COL13A1: variants seen among roughly 807,000 people sequenced by gnomAD.
The protein encoded by COL13A1 is collagen alpha-1(XIII) chain.
A neutral mutation model predicts 130.9 loss-of-function variants in COL13A1; 89 were observed. The ratio of observed to expected loss-of-function variants is 0.68; its 90% CI spans 0.57 to 0.81. COL13A1 has a LOEUF of 0.81. COL13A1 is among the 30% of genes least tolerant of loss of function. The pLI, the probability that COL13A1 is intolerant of heterozygous loss-of-function variation, is 0.00. For synonymous variants in COL13A1, 402 were observed against 341.6 expected (o/e 1.18, Z -1.95); for missense variants, 879 against 934.6 (o/e 0.94, Z 0.78).
intron 2 of COL13A1, among the ~76,000 whole-genome samples, chr10:69,861,969 T>G (rs891106420): frequency 3.9e-5 from 6 of 152,252 alleles, no homozygotes; most frequent in African/African-American, 1.4e-4. Flanking sequence ...GCTTAAGAAG[T>G]GGCTCTTGGG....
chr10:69,898,372 C>T (rs78377642), intron 13 of COL13A1, among the ~76,000 whole-genome samples: 2,023 of 152,310 alleles, frequency 0.013, 17 homozygotes, highest in Middle Eastern at 0.027. Flanking sequence ...CATGTGGGAG[C>T]CACTGTCCCA....
At chr10:69,865,260 G>A (rs2133923845) in intron 2 of COL13A1, among the ~76,000 whole-genome samples, 1 of 152,268 alleles carries the variant, frequency 6.6e-6, no homozygotes, top group Admixed American at 6.5e-5. Flanking sequence ...GCCTGGCCAG[G>A]GTAATGGGCA....
At chr10:69,830,875 C>T (rs1025748160) in intron 2 of COL13A1, among the ~76,000 whole-genome samples, 2 of 152,170 alleles carry the variant, frequency 1.3e-5, no homozygotes, top group South Asian at 2.1e-4. Flanking sequence ...AACCCCATTC[C>T]TTTTGGCAGC....
At chr10:69,819,398 G>A (rs577941285) in intron 1 of COL13A1, among the ~76,000 whole-genome samples, 1 of 152,088 alleles carries the variant, frequency 6.6e-6, no homozygotes, top group Admixed American at 6.5e-5. Context: ...TGACTTATTG[G>A]CATCAACATA....
chr10:69,806,961 C>T (rs1282715036), intron 1 of COL13A1, among the ~76,000 whole-genome samples: 2 of 152,096 alleles, frequency 1.3e-5, no homozygotes, highest in South Asian at 2.1e-4. Flanking sequence ...GAGCTGAGAT[C>T]GAGCCATTGC....
intron 1 of COL13A1, among the ~76,000 whole-genome samples, chr10:69,812,029 A>G (rs1843173901): frequency 6.6e-6 from 1 of 151,970 alleles, no homozygotes; most frequent in South Asian, 2.1e-4. Context: ...GCTCTCACCC[A>G]TGCTGTCCTG....
chr10:69,815,059 G>A (rs753580336), intron 1 of COL13A1, among the ~76,000 whole-genome samples: 1 of 152,136 alleles, frequency 6.6e-6, no homozygotes, highest in Admixed American at 6.5e-5. Context: ...TCTCCACATT[G>A]GCACTCAGGA....
At position 69,925,829 on chromosome 10, in the gene COL13A1, G is replaced by A; in HGVS notation, c.1355G>A (p.Gly452Glu). The change falls in exon 26 of 41, where the codon GGA (glycine) becomes GAA (glutamate). Residue 452 changes from glycine (G) to glutamate (E), a missense_variant. Transcript: ENST00000645393. ...GGCTCCAAGGGAGAACCAGGGAAAG[G>A]AGAGATGGTGGATTACAATGGAAAC... The part of the protein sequence containing the change: ...PKGSKGEPGK[G>E]EMVDYNGNIN... 2 of 1,601,184 alleles carry A rather than the reference G, an allele frequency of 1.2e-6. No individual in the cohort carries two copies. Among genetic ancestry groups the A allele is most frequent in the Non-Finnish European group, 1.7e-6 (2 of 1,173,950 alleles).
chr10:69,849,668 C>T (rs1452559009), intron 2 of COL13A1, among the ~76,000 whole-genome samples: 6 of 152,290 alleles, frequency 3.9e-5, no homozygotes, highest in South Asian at 2.1e-4. Context: ...ACAAGGATGG[C>T]GGCTCCCACT....
intron 14 of COL13A1, 66 bp from the exon 15 acceptor site, chr10:69,902,682 T>C (rs2062323341): frequency 7.3e-7 from 1 of 1,371,658 alleles, no homozygotes; most frequent in Non-Finnish European, 9.9e-7. Context: ...GTGCATGGCC[T>C]GAGGGTGGGG....
chr10:69,818,236 GCCCAGTTCCTTCTTCCT>G (rs1189509975), intron 1 of COL13A1, among the ~76,000 whole-genome samples: 2 of 152,184 alleles, frequency 1.3e-5, no homozygotes, highest in African/African-American at 4.8e-5. Context: ...TCCATCCAGT[GCCCAGTTCCTTCTTCCT>G]CCCACATCTC....
intron 17 of COL13A1, among the ~76,000 whole-genome samples, chr10:69,912,816 T>G (rs1203498972): frequency 2.6e-5 from 4 of 152,172 alleles, no homozygotes; most frequent in African/African-American, 9.7e-5. Flanking sequence ...CCCAGCTTGT[T>G]CAACAAACAG....
chr10:69,817,433 G>A (rs1390523228), intron 1 of COL13A1, among the ~76,000 whole-genome samples: 1 of 151,722 alleles, frequency 6.6e-6, no homozygotes, highest in Non-Finnish European at 1.5e-5. Flanking sequence ...GGGAGGGGAC[G>A]TTGGTGGTTT....
intron 2 of COL13A1, among the ~76,000 whole-genome samples, chr10:69,858,555 C>G (rs1227739): frequency 0.38 from 58,062 of 152,108 alleles, 11,417 homozygotes; most frequent in Middle Eastern, 0.55. Flanking sequence ...GAAACTACGA[C>G]ACTGTGTGCA....
chr10:69,947,308 G>T lies in COL13A1; in HGVS notation c.2024G>T (p.Gly675Val). ...CTTTCTTCCTCTGATCTCTTGCAGG[G>T]TTTACATGGACCACCCGGGGACAAG... ...TGPTGAAGLP[G>V]LHGPPGDKGN... Residue 675 changes from glycine to valine, a missense_variant and splice_region_variant, in exon 38 of 41, where the codon GGT (glycine) becomes GTT (valine). Physicochemically the swap from Gly to Val is moderately radical, Grantham distance 109. Transcript: ENST00000645393. 1 of 1,613,386 alleles carries T rather than the reference G, an allele frequency of 6.2e-7. No individual in the cohort carries two copies. Among genetic ancestry groups the T allele is most frequent in the African/African-American group, 1.3e-5 (1 of 74,978 alleles).
At chr10:69,919,521 G>A (rs3855625) in intron 20 of COL13A1, 144 bp from the exon 21 acceptor site, 229,122 of 398,166 alleles carry the variant, frequency 0.58, 67,182 homozygotes, top group East Asian at 0.75. Flanking sequence ...TTTTCAAAAC[G>A]TTTTTGACCA....
At chr10:69,945,854 CG>C in intron 37 of COL13A1, 130 bp downstream of exon 37, 1 of 1,141,042 alleles carries the variant, frequency 8.8e-7, no homozygotes, top group Non-Finnish European at 1.3e-6. Context: ...GGGCGCATCA[CG>C]AGGTCAGGAG....
chr10:69,897,555 CG>C, intron 13 of COL13A1: 1 of 1,613,112 alleles, frequency 6.2e-7, no homozygotes, highest in Non-Finnish European at 8.5e-7. Flanking sequence ...GGAAGGTCTC[CG>C]GGCCCCTCTC....
chr10:69,837,248 C>A (rs1051303243), intron 2 of COL13A1, among the ~76,000 whole-genome samples: 20 of 152,228 alleles, frequency 1.3e-4, no homozygotes, highest in African/African-American at 4.8e-4. Context: ...GGGGACCTTA[C>A]CAATGATCCT....
Sources: allele counts gnomAD v4.1 joint callset (sites outside exome capture counted in the v4.1 genomes callset), GRCh38; gene constraint gnomAD v4.1.1; transcripts MANE v1.5; gene names NCBI Gene and HGNC (gene_info 2026-07-23, HGNC 2026-07-21).